The following SLC18B1 variants were observed in gnomAD, a reference collection of about 807,000 sequenced individuals.
SLC18B1 encodes the protein MFS-type transporter SLC18B1.
In SLC18B1, 62 loss-of-function variants were observed where a neutral mutation model predicts 53.9. The ratio of observed to expected loss-of-function variants is 1.15; its 90% confidence interval spans 0.94 to 1.42. SLC18B1 has a LOEUF of 1.42. SLC18B1 is among the 40% of genes most tolerant of loss of function. The pLI is 0.00. For missense variants in SLC18B1, 598 were observed against 547.3 expected, an observed-to-expected ratio of 1.09 and a Z score of -0.93; for synonymous variants, 217 against 200.9, an observed-to-expected ratio of 1.08 and a Z score of -0.68.
At chr6:132,775,327 T>C (rs74812659) in intron 8 of SLC18B1, among the ~76,000 whole-genome samples, 1 of 152,318 alleles carries the variant, frequency 6.6e-6, no homozygotes, top group East Asian at 1.9e-4. Flanking sequence ...CAGTTTACGA[T>C]ATTTTGTTAT....
chr6:132,791,891 C>A (rs1231363757), intron 2 of SLC18B1, among the ~76,000 whole-genome samples: 1 of 151,994 alleles, frequency 6.6e-6, no homozygotes, highest in Non-Finnish European at 1.5e-5. Flanking sequence ...GGGTCAGGTT[C>A]CTCAAAAAGA....
chr6:132,782,166 T>A (rs58126107), intron 6 of SLC18B1, among the ~76,000 whole-genome samples: 4 of 147,522 alleles, frequency 2.7e-5, no homozygotes, highest in Non-Finnish European at 3.0e-5. Flanking sequence ...CCAGCCGGGG[T>A]GACAGAGTGA....
intron 4 of SLC18B1, 173 bp downstream of exon 4, chr6:132,789,591 T>C (rs1159128275): frequency 7.4e-6 from 4 of 537,994 alleles, no homozygotes; most frequent in African/African-American, 1.9e-5. Flanking sequence ...TTCCTTAAAA[T>C]CAATGCCATT....
chr6:132,782,840 T>A (rs1432030513), intron 6 of SLC18B1, among the ~76,000 whole-genome samples: 1 of 151,860 alleles, frequency 6.6e-6, no homozygotes, highest in Non-Finnish European at 1.5e-5. Flanking sequence ...AGTGGCATGA[T>A]CTTGGCTCAC....
At chr6:132,776,530 T>A in intron 7 of SLC18B1, 101 bp from the exon 8 acceptor site, 2 of 778,324 alleles carry the variant, frequency 2.6e-6, no homozygotes, top group Non-Finnish European at 4.1e-6. Context: ...TTACCATGAG[T>A]CTACTAATAA....
intron 10 of SLC18B1, 88 bp downstream of exon 10, chr6:132,772,905 C>A: frequency 1.1e-6 from 1 of 911,120 alleles, no homozygotes; most frequent in Non-Finnish European, 1.7e-6. Context: ...AAATATCCAA[C>A]ATGCTGCAAA....
At chr6:132,788,369 AT>A (rs11423576) in intron 4 of SLC18B1, among the ~76,000 whole-genome samples, 25 of 151,602 alleles carry the variant, frequency 1.6e-4, no homozygotes, top group East Asian at 7.8e-4. Flanking sequence ...TTAGAATATG[AT>A]TTTTTTTAAA....
chr6:132,788,603 CT>C (rs1469452655), intron 4 of SLC18B1, among the ~76,000 whole-genome samples: 2 of 151,920 alleles, frequency 1.3e-5, no homozygotes, highest in Non-Finnish European at 2.9e-5. Context: ...GGTGTATCCC[CT>C]GAGGTCAGGA....
intron 2 of SLC18B1, among the ~76,000 whole-genome samples, chr6:132,791,027 T>C (rs889546317): frequency 1.2e-4 from 18 of 152,216 alleles, no homozygotes; most frequent in Non-Finnish European, 1.0e-4. Flanking sequence ...CATTCACATA[T>C]AAAAATAGAA....
At chr6:132,790,343 G>A (rs1781492136) in intron 2 of SLC18B1, 71 bp from the exon 3 acceptor site, 1 of 1,059,702 alleles carries the variant, frequency 9.4e-7, no homozygotes, top group Admixed American at 2.8e-5. Flanking sequence ...GGAAATAATA[G>A]ATCAGGGCAT....
chr6:132,781,923 C>T (rs1752338936), intron 6 of SLC18B1, among the ~76,000 whole-genome samples: 1 of 151,858 alleles, frequency 6.6e-6, no homozygotes, highest in South Asian at 2.1e-4. Context: ...TGCAGTGGCT[C>T]ACACCTGTAA....
intron 2 of SLC18B1, among the ~76,000 whole-genome samples, chr6:132,791,501 G>C (rs1781524329): frequency 6.6e-6 from 1 of 151,554 alleles, no homozygotes. Context: ...GTCAGACTAT[G>C]CTTCTTTAAA....
At chr6:132,787,624 CTTT>C (rs5880140) in intron 4 of SLC18B1, 43 bp from the exon 5 acceptor site, 94 of 1,211,696 alleles carry the variant, frequency 7.8e-5, no homozygotes, top group South Asian at 3.9e-4. Context: ...AGCTGGTTTT[CTTT>C]TTTTTTTTTT....
chr6:132,771,260 C>G, intron 11 of SLC18B1, 131 bp from the exon 12 acceptor site: 1 of 755,014 alleles, frequency 1.3e-6, no homozygotes, highest in South Asian at 2.2e-5. Flanking sequence ...AAAGCTAATT[C>G]CTGGGCACAG....
chr6:132,792,283 G>GAAAGAAA (rs71003613), intron 2 of SLC18B1, among the ~76,000 whole-genome samples: 5 of 49,030 alleles, frequency 1.0e-4, no homozygotes, highest in African/African-American at 6.3e-4. Flanking sequence ...AAGAAAGAAA[G>GAAAGAAA]GAAGAAAGGA....
intron 6 of SLC18B1, among the ~76,000 whole-genome samples, chr6:132,780,062 A>T (rs1296429015): frequency 6.6e-6 from 1 of 151,772 alleles, no homozygotes; most frequent in African/African-American, 2.4e-5. Flanking sequence ...TTGGGTGGGG[A>T]TACAGCAAAA....
At chr6:132,784,123 T>C in intron 5 of SLC18B1, 34 bp from the exon 6 acceptor site, 1 of 1,511,612 alleles carries the variant, frequency 6.6e-7, no homozygotes, top group Non-Finnish European at 8.8e-7. Flanking sequence ...TCAGTTTAAA[T>C]ATTTCATTTG....
At chr6:132,793,437 T>C (rs1275307946) in intron 2 of SLC18B1, among the ~76,000 whole-genome samples, 1 of 152,240 alleles carries the variant, frequency 6.6e-6, no homozygotes, top group Non-Finnish European at 1.5e-5. Context: ...GCCTTCCCTC[T>C]GCGAGGCGAG....
intron 13 of SLC18B1, 84 bp from the exon 14 acceptor site, chr6:132,770,420 T>C (rs1041740189): frequency 6.9e-6 from 8 of 1,166,708 alleles, no homozygotes; most frequent in Non-Finnish European, 8.9e-6. Context: ...TACCTGTATC[T>C]CCATCCAACT....
Sources: gnomAD v4.1 joint callset for allele counts (sites outside exome capture counted in the v4.1 genomes callset) on GRCh38, gnomAD v4.1.1 for gene constraint, MANE v1.5 for transcripts, NCBI Gene and HGNC (gene_info 2026-07-23, HGNC 2026-07-21) for gene names.